The following DBNDD1 variants were observed in gnomAD, a reference collection of about 807,000 sequenced individuals.
DBNDD1 encodes the protein dysbindin domain-containing protein 1.
DBNDD1 carries 14 observed loss-of-function variants against 17.0 expected under a neutral mutation model. The observed-to-expected ratio is 0.82, with a 90% confidence interval of 0.54 to 1.29. The LOEUF (loss-of-function observed/expected upper bound fraction) is 1.29, where lower values mean the gene tolerates loss of function less well. Ranked by LOEUF, DBNDD1 falls within the 50% of genes most tolerant of loss-of-function variation. The probability of loss-of-function intolerance (pLI) is 0.00; values close to 1 mark genes in which losing one functional copy is unlikely to be tolerated. For missense variants in DBNDD1, 221 were observed against 216.2 expected, an observed-to-expected ratio of 1.02 and a Z score of -0.14; for synonymous variants, 105 against 102.0, an observed-to-expected ratio of 1.03 and a Z score of -0.18.
intron 1 of DBNDD1, chr16:90,011,580 C>T: frequency 2.3e-6 from 1 of 443,124 alleles, no homozygotes; most frequent in South Asian, 1.6e-5. Context: ...TGTGGCCCAC[C>T]TGCCTCCTGT....
In DBNDD1 at chr16:90,009,435, A is replaced by G; in HGVS notation, c.32-5T>C. 1 of 1,609,734 alleles carries G rather than the reference A, an allele frequency of 6.2e-7. No individual in the cohort carries two copies. The highest frequency in any genetic ancestry group is 1.3e-5 in the African/African-American group (1 of 75,052). The stretch of plus-strand genomic sequence containing the variant: ...CCTCAGCCTCCTTAACGATCTCTGC[A>G]TCCAAAGACACAGTGTCACCTTGAG... On this transcript the variant is annotated splice_polypyrimidine_tract_variant and splice_region_variant and intron_variant, in intron 1 of 3. Coordinates refer to ENST00000002501, the MANE Select transcript of DBNDD1 (RefSeq NM_001042610.3).
intron 3 of DBNDD1, among the ~76,000 whole-genome samples, chr16:90,008,128 AG>A (rs2035469867): frequency 8.2e-6 from 1 of 122,498 alleles, no homozygotes; most frequent in Non-Finnish European, 1.7e-5. Flanking sequence ...AAGGGGCCTC[AG>A]CCCACCACGC....
chr16:90,007,400 CACAG>C (rs2035447066), intron 3 of DBNDD1: 1 of 152,398 alleles, frequency 6.6e-6, no homozygotes, highest in African/African-American at 2.4e-5. Context: ...CTGATGCTCT[CACAG>C]TTACTGAAGT....
intron 1 of DBNDD1, 177 bp from the exon 2 acceptor site, chr16:90,009,607 A>G: frequency 1.1e-6 from 1 of 900,990 alleles, no homozygotes. Flanking sequence ...CAAGGGGTTG[A>G]GGGGCTTCAA....
chr16:90,012,829 C>T lies in DBNDD1; in HGVS notation c.32-3399G>A, dbSNP rs550990124. Among the ~76,000 whole-genome samples, 4 of 152,186 alleles carry T rather than the reference C, an allele frequency of 2.6e-5. No individual in the cohort carries two copies. In the South Asian group the frequency reaches 8.3e-4, roughly 32 times the overall value. The stretch of plus-strand genomic sequence containing the variant: ...GCAGTGGTAAAACCATAGCTCACTG[C>T]AGCCTCAACCTCTTGGGCTCAAGCG... On this transcript the variant is annotated intron_variant, in intron 1 of 3. Transcript: ENST00000002501.
At chr16:90,017,511 A>G (rs1447201287) in intron 1 of DBNDD1, among the ~76,000 whole-genome samples, 1 of 151,910 alleles carries the variant, frequency 6.6e-6, no homozygotes, top group Non-Finnish European at 1.5e-5. Flanking sequence ...AAAAAAAATC[A>G]TATTTTACAG....
Position 90,009,120 on chromosome 16 carries a change from G to T in DBNDD1, c.178+164C>A, listed in dbSNP as rs2035500313. ...CTAGAAGGCTTTCACTTGACAGATG[G>T]TGCAGCTGAGGCTCAGAGAACCAGA... On this transcript the variant is annotated intron_variant, in intron 2 of 3. Transcript: ENST00000002501. 4 of 1,228,660 alleles carry T rather than the reference G, an allele frequency of 3.3e-6. No individual in the cohort carries two copies. In the South Asian group the frequency reaches 4.6e-5, roughly 14 times the overall value. The allele number at this position is 1,228,660 out of a possible 1,614,324, so 76.1% of individuals were successfully genotyped here.
chr16:90,009,554 G>A (rs939864217), intron 1 of DBNDD1, 124 bp from the exon 2 acceptor site: 6 of 1,427,806 alleles, frequency 4.2e-6, no homozygotes, highest in African/African-American at 1.4e-5. Context: ...TGACCAGCAG[G>A]TGATGGGATG....
Position 90,019,184 on chromosome 16 carries a change from A to T in DBNDD1, c.31+127T>A, listed in dbSNP as rs1329330242. ...GGAGGTGCCCCTGGCCCGCCGGACG[A>T]CCCCGAGCTGCCAAAGGGGTCTTCG... On this transcript the variant is annotated intron_variant, in intron 1 of 3. Transcript: ENST00000002501. The surrounding 1 kb of genome is among the most constrained non-coding windows in gnomAD (Gnocchi z 6.1). 8 of 406,140 alleles carry T rather than the reference A, an allele frequency of 2.0e-5. No homozygotes were observed. The highest frequency in any genetic ancestry group is 2.4e-5 in the Non-Finnish European group (6 of 247,920). 25.2% of individuals were successfully genotyped at this position (406,140 alleles called of 1,614,324 possible). A position where few individuals can be genotyped will look rare whatever the true frequency, so the allele number is the denominator to read the frequency against.
chr16:90,019,875 C>T (rs1434288341), upstream of DBNDD1: 2 of 593,356 alleles, frequency 3.4e-6, no homozygotes, highest in Admixed American at 4.5e-5. The surrounding 1 kb of genome is among the most constrained non-coding windows in gnomAD (Gnocchi z 6.1). Context: ...ACAGAGCGCC[C>T]TGGATGGCGC....
At chr16:90,010,852 G>C (rs376982921) in intron 1 of DBNDD1, among the ~76,000 whole-genome samples, 2 of 152,360 alleles carry the variant, frequency 1.3e-5, no homozygotes, top group Admixed American at 6.5e-5. Flanking sequence ...TCAGAGTCAG[G>C]CCTGTCCCTG....
intron 1 of DBNDD1, among the ~76,000 whole-genome samples, chr16:90,018,870 G>C (rs2151267256): frequency 6.6e-6 from 1 of 152,298 alleles, no homozygotes; most frequent in African/African-American, 2.4e-5. Flanking sequence ...GCGAGTCTAC[G>C]GCCCTCGCCC....
chr16:90,006,705 G>A (rs2151258935), intron 3 of DBNDD1: 1 of 645,010 alleles, frequency 1.6e-6, no homozygotes, highest in East Asian at 2.8e-5. Context: ...GTGGGGCCTG[G>A]GCAGGGTCTT....
At position 90,006,550 on chromosome 16, in the gene DBNDD1, G is replaced by A. The variant is rs370501177; in HGVS notation, c.320-58C>T. 758 of 1,563,890 alleles carry A rather than the reference G, an allele frequency of 4.8e-4. 4 individuals are homozygous for A. In the African/African-American group the frequency reaches 8.6e-3, roughly 18 times the overall value. On this transcript the variant is annotated intron_variant, in intron 3 of 3. Coordinates refer to ENST00000002501, the MANE Select transcript of DBNDD1 (RefSeq NM_001042610.3). ...GCTGAGAGGCCTGGGTGGATGCTGCGGAGCTCCAGGTGCCGCCGGCCTCCT... is the reference window on the plus strand; with the variant it reads ...GCTGAGAGGCCTGGGTGGATGCTGCAGAGCTCCAGGTGCCGCCGGCCTCCT...
intron 1 of DBNDD1, among the ~76,000 whole-genome samples, chr16:90,011,059 C>T (rs1242326532): frequency 6.6e-6 from 1 of 152,270 alleles, no homozygotes; most frequent in East Asian, 1.9e-4. Context: ...GAGTGGGTGC[C>T]CAGCGCACGC....
chr16:90,018,339 A>G (rs2035681889), intron 1 of DBNDD1, among the ~76,000 whole-genome samples: 1 of 152,244 alleles, frequency 6.6e-6, no homozygotes, highest in Non-Finnish European at 1.5e-5. Context: ...GACTGCAGAT[A>G]CACAGGGTGG....
In DBNDD1 at chr16:90,009,257, G is replaced by A. The variant is rs759266045; in HGVS notation, c.178+27C>T. On this transcript the variant is annotated intron_variant, in intron 2 of 3. Coordinates refer to ENST00000002501, the MANE Select transcript of DBNDD1 (RefSeq NM_001042610.3). The stretch of plus-strand genomic sequence containing the variant: ...GGGGAGCTCACGGGGTCCCCATAGC[G>A]TGCGCTGGGCAGGGAGCAGTACTTA... 236 of 1,610,600 alleles carry A rather than the reference G, an allele frequency of 1.5e-4. 1 individual carries two copies. The highest frequency in any genetic ancestry group is 1.6e-4 in the Non-Finnish European group (189 of 1,179,386).
rs1295457719 is a variant in DBNDD1 at position 90,008,985 on chromosome 16, G to A, written c.179-61C>T. The A allele has an allele frequency of 2.3e-5, 34 of 1,487,172 alleles. No homozygotes were observed. The South Asian group carries it at 3.3e-4, about 15-fold the overall frequency. The allele number at this position is 1,487,172 out of a possible 1,614,324, so 92.1% of individuals were successfully genotyped here. A position where few individuals can be genotyped will look rare whatever the true frequency, so the allele number is the denominator to read the frequency against. Reference sequence around the variant, plus strand: ...CTCCCACAAGGCTGCTCAGAGCCCCGGGGGTCTAGGAGAGAGTGTGCTGTG... The same window carrying A: ...CTCCCACAAGGCTGCTCAGAGCCCCAGGGGTCTAGGAGAGAGTGTGCTGTG... On this transcript the variant is annotated intron_variant, in intron 2 of 3. Transcript: ENST00000002501.
intron 3 of DBNDD1, chr16:90,007,548 C>G (rs2035450691): frequency 6.6e-6 from 1 of 152,328 alleles, no homozygotes; most frequent in African/African-American, 2.4e-5. Flanking sequence ...GGGGGCCCTG[C>G]TCGGCAGTGT....
Sources: allele counts gnomAD v4.1 joint callset (sites outside exome capture counted in the v4.1 genomes callset), GRCh38; gene constraint gnomAD v4.1.1; non-coding constraint Gnocchi (gnomAD v3.1); transcripts MANE v1.5; gene names NCBI Gene and HGNC (gene_info 2026-07-23, HGNC 2026-07-21).